ZBTB16: variants seen among roughly 807,000 people sequenced by gnomAD.
ZBTB16 encodes the protein zinc finger and BTB domain-containing protein 16.
Under a neutral mutation model 56.8 loss-of-function variants are expected in ZBTB16, and 8 were observed. That is an observed-to-expected ratio of 0.14 (90% CI 0.08 to 0.25). ZBTB16 has a LOEUF of 0.25. Among genes scored for constraint, ZBTB16 ranks in the 10% least tolerant of loss-of-function variants. The pLI, the probability that ZBTB16 is intolerant of heterozygous loss-of-function variation, is 1.00. For synonymous variants in ZBTB16, 363 were observed against 368.5 expected, an observed-to-expected ratio of 0.98 and a Z score of 0.17; for missense variants, 625 against 903.0, an observed-to-expected ratio of 0.69 and a Z score of 3.95.
At chr11:114,217,695 C>T (rs1273583373) in intron 4 of ZBTB16, among the ~76,000 whole-genome samples, 1 of 152,086 alleles carries the variant, frequency 6.6e-6, no homozygotes, top group African/African-American at 2.4e-5. Flanking sequence ...GTCACTGAGA[C>T]CGTGAGAGTA....
intron 2 of ZBTB16, among the ~76,000 whole-genome samples, chr11:114,099,243 G>C (rs530346640): frequency 2.6e-4 from 39 of 152,284 alleles, no homozygotes; most frequent in African/African-American, 7.9e-4. Flanking sequence ...GTTTTTCTAA[G>C]TATGGAATTA....
intron 3 of ZBTB16, among the ~76,000 whole-genome samples, chr11:114,171,739 G>A (rs147224389): frequency 0.013 from 2,037 of 152,124 alleles, 31 homozygotes; most frequent in African/African-American, 0.042. Context: ...CCTACTCTCC[G>A]TCTCCCACTT....
In ZBTB16 at chr11:114,246,044, A is replaced by G. The variant is rs76780075; in HGVS notation, c.1625-1154A>G. ...CCCCCCACTTTGGATATGAAAGGCA[A>G]GATGGTTATTCTCCACACCCCAACC... On this transcript the variant is annotated intron_variant, in intron 5 of 6. Transcript: ENST00000335953. Among the ~76,000 whole-genome samples, 511 of 152,308 alleles carry G rather than the reference A, an allele frequency of 3.4e-3. 5 individuals carry two copies. Among genetic ancestry groups the G allele is most frequent in the African/African-American group, 0.012 (494 of 41,578 alleles).
chr11:114,179,163 A>T (rs1486803684), intron 3 of ZBTB16, among the ~76,000 whole-genome samples: 1 of 152,094 alleles, frequency 6.6e-6, no homozygotes, highest in Non-Finnish European at 1.5e-5. Context: ...TTCAGCCAGG[A>T]TTTGCTCACC....
chr11:114,099,245 A>G (rs1238159961), intron 2 of ZBTB16, among the ~76,000 whole-genome samples: 2 of 152,188 alleles, frequency 1.3e-5, no homozygotes, highest in African/African-American at 4.8e-5. Context: ...TTTTCTAAGT[A>G]TGGAATTACA....
intron 4 of ZBTB16, among the ~76,000 whole-genome samples, chr11:114,202,478 C>T (rs3825045): frequency 0.14 from 21,766 of 152,076 alleles, 1,772 homozygotes; most frequent in South Asian, 0.22. Context: ...GTGACCTGGG[C>T]GAGAGAACTG....
chr11:114,100,250 C>T lies in ZBTB16; in HGVS notation c.1268+35682C>T, dbSNP rs960388986. 7.9e-5 allele frequency among the ~76,000 whole-genome samples: 12 copies of T among 152,314 alleles called. No homozygotes were observed. The South Asian group carries it at 1.9e-3, about 24-fold the overall frequency. ...TGCTAAATGGCTTATCCAGTCATCT[C>T]TCTCTGCTCATGGTCAGCCCGAGGT... is the stretch of plus-strand genomic sequence containing the variant. On this transcript the variant is annotated intron_variant, in intron 2 of 6. Transcript: ENST00000335953.
chr11:114,177,541 C>T (rs6589416), intron 3 of ZBTB16, among the ~76,000 whole-genome samples: 2,013 of 152,210 alleles, frequency 0.013, 33 homozygotes, highest in African/African-American at 0.042. Flanking sequence ...CATGAGCCAC[C>T]GCACCCGGCC....
chr11:114,223,291 A>G (rs1944270754), intron 4 of ZBTB16, among the ~76,000 whole-genome samples: 1 of 152,232 alleles, frequency 6.6e-6, no homozygotes, highest in African/African-American at 2.4e-5. Flanking sequence ...CTCCTAACAC[A>G]TGTGGATATG....
intron 2 of ZBTB16, among the ~76,000 whole-genome samples, chr11:114,115,306 CTT>C (rs1231131578): frequency 6.8e-6 from 1 of 147,826 alleles, no homozygotes; most frequent in African/African-American, 2.5e-5. Context: ...GTGAGACAGA[CTT>C]TTTGTTGGTG....
Position 114,111,240 on chromosome 11 carries a change from G to A in ZBTB16, c.1269-45097G>A, listed in dbSNP as rs1432460364. On this transcript the variant is annotated intron_variant, in intron 2 of 6. Coordinates refer to ENST00000335953, the MANE Select transcript of ZBTB16 (RefSeq NM_006006.6). ...ATTTTAATGACTGGGCATGTTTTAA[G>A]TTAAGTTGAGTGAACCTAATTACAC... 2.6e-5 allele frequency among the ~76,000 whole-genome samples: 4 copies of A among 151,882 alleles called. No individual in the cohort carries two copies. In the East Asian group the frequency reaches 7.7e-4, roughly 29 times the overall value.
chr11:114,132,225 A>C (rs986844642), intron 2 of ZBTB16, among the ~76,000 whole-genome samples: 1 of 152,134 alleles, frequency 6.6e-6, no homozygotes, highest in Non-Finnish European at 1.5e-5. Flanking sequence ...GTGAATGCAT[A>C]TGAGTAGTTA....
intron 2 of ZBTB16, among the ~76,000 whole-genome samples, chr11:114,154,488 A>G (rs1942354964): frequency 6.6e-6 from 1 of 152,188 alleles, no homozygotes; most frequent in Non-Finnish European, 1.5e-5. Context: ...AAGTGACAGG[A>G]ATACTCCACC....
intron 4 of ZBTB16, among the ~76,000 whole-genome samples, chr11:114,220,592 G>A (rs1016680782): frequency 1.3e-5 from 2 of 152,206 alleles, no homozygotes; most frequent in Non-Finnish European, 2.9e-5. Flanking sequence ...CTCTACCAGG[G>A]CAGGGACTGT....
At chr11:114,069,236 C>T (rs2137667840) in intron 2 of ZBTB16, among the ~76,000 whole-genome samples, 1 of 152,322 alleles carries the variant, frequency 6.6e-6, no homozygotes, top group Non-Finnish European at 1.5e-5. Flanking sequence ...CAGGCACCCG[C>T]CACCACGCCC....
At chr11:114,192,949 C>T (rs918829706) in intron 4 of ZBTB16, among the ~76,000 whole-genome samples, 1 of 152,148 alleles carries the variant, frequency 6.6e-6, no homozygotes, top group Admixed American at 6.5e-5. Context: ...GCTGAGTCCC[C>T]GAGGGATGAG....
intron 4 of ZBTB16, among the ~76,000 whole-genome samples, chr11:114,233,071 G>GTGCA (rs1944478048): frequency 1.7e-5 from 1 of 57,974 alleles, no homozygotes; most frequent in Non-Finnish European, 3.3e-5. Flanking sequence ...ACGCATGCGC[G>GTGCA]CGCGCGCGCG....
At chr11:114,075,299 T>C (rs977772414) in intron 2 of ZBTB16, among the ~76,000 whole-genome samples, 3 of 152,122 alleles carry the variant, frequency 2.0e-5, no homozygotes, top group Non-Finnish European at 4.4e-5. Context: ...GAGATGAAGT[T>C]AATAACTTCT....
At chr11:114,108,345 C>G (rs238917) in intron 2 of ZBTB16, among the ~76,000 whole-genome samples, 1 of 152,162 alleles carries the variant, frequency 6.6e-6, no homozygotes, top group Admixed American at 6.5e-5. Flanking sequence ...CTTTTCAGGT[C>G]TTTTTCCTTT....
Sources: allele counts gnomAD v4.1 joint callset (sites outside exome capture counted in the v4.1 genomes callset), GRCh38; gene constraint gnomAD v4.1.1; transcripts MANE v1.5; gene names NCBI Gene and HGNC (gene_info 2026-07-23, HGNC 2026-07-21).